Variants in CELF2 observed in about 807,000 individuals in gnomAD.
CELF2 encodes CUG triplet repeat RNA-binding protein 2.
Under a neutral mutation model 62.6 loss-of-function variants are expected in CELF2, and 8 were observed. The observed-to-expected ratio is 0.13, with a 90% CI of 0.07 to 0.23. The LOEUF is 0.23. Ranked by LOEUF, CELF2 falls within the 10% of genes least tolerant of loss-of-function variation. CELF2 has a pLI of 1.00. For synonymous variants in CELF2, 258 were observed against 250.0 expected (o/e 1.03, Z -0.30); for missense variants, 333 against 671.0 (o/e 0.50, Z 5.56).
intron 9 of CELF2, among the ~76,000 whole-genome samples, chr10:11,293,723 A>G (rs1298993290): frequency 6.6e-6 from 1 of 152,130 alleles, no homozygotes; most frequent in Non-Finnish European, 1.5e-5. Flanking sequence ...AAAGTAGGGA[A>G]GGTGTGTTAT....
Position 11,010,447 on chromosome 10 carries a change from T to C in CELF2, c.53+5007T>C, listed in dbSNP as rs148580699. Among the ~76,000 whole-genome samples, 421 of 152,104 alleles carry C rather than the reference T, an allele frequency of 2.8e-3. 10 individuals are homozygous for C. The highest frequency in any genetic ancestry group is 0.024 in the Admixed American group (374 of 15,268). The stretch of plus-strand genomic sequence containing the variant: ...TTGTAGGTTTTAACAAAGATAGGGG[T>C]GGGGGTGTTGAAATAAGGAATAAAA... On this transcript the variant is annotated intron_variant, in intron 1 of 12. Coordinates refer to the CELF2 transcript ENST00000416382. This position sits in a 1 kb window ranked among gnomAD's most constrained non-coding sequence, Gnocchi z 4.1.
the CELF2 span, among the ~76,000 whole-genome samples, chr10:10,549,704 A>C: frequency 1.3e-5 from 2 of 152,226 alleles, no homozygotes; most frequent in Non-Finnish European, 2.9e-5. Flanking sequence ...AGATGGCACC[A>C]GTCATACTGG....
intron 2 of CELF2, among the ~76,000 whole-genome samples, chr10:10,959,206 G>A (rs2049219107): frequency 6.6e-6 from 1 of 152,174 alleles, no homozygotes; most frequent in Non-Finnish European, 1.5e-5. Flanking sequence ...ACTTGAACCT[G>A]GGAGGCAGAG....
At chr10:11,061,979 A>G (rs765812439) in intron 1 of CELF2, among the ~76,000 whole-genome samples, 2 of 152,102 alleles carry the variant, frequency 1.3e-5, no homozygotes, top group African/African-American at 2.4e-5. Flanking sequence ...CGCCCAGGTA[A>G]TTTTGTATTT....
chr10:10,946,832 T>C (rs981658518), intron 2 of CELF2: 1 of 152,268 alleles, frequency 6.6e-6, no homozygotes, highest in African/African-American at 2.4e-5. Flanking sequence ...TTGCCACCCA[T>C]GCAGATTTGC....
intron 9 of CELF2, among the ~76,000 whole-genome samples, chr10:11,291,984 GA>G (rs926541532): frequency 6.6e-6 from 1 of 152,186 alleles, no homozygotes; most frequent in Non-Finnish European, 1.5e-5. Context: ...CTTCTTTAAA[GA>G]AAAGGATGCT....
chr10:11,186,281 C>G (rs1017733848), intron 2 of CELF2, among the ~76,000 whole-genome samples: 2 of 142,240 alleles, frequency 1.4e-5, no homozygotes, highest in African/African-American at 2.6e-5. Flanking sequence ...AAAGAACTAG[C>G]CTTTGGTTTT....
the CELF2 span, among the ~76,000 whole-genome samples, chr10:10,631,714 T>C: frequency 2.0e-5 from 3 of 151,960 alleles, no homozygotes; most frequent in Admixed American, 6.6e-5. Flanking sequence ...TTGAGCTCCT[T>C]GTCTGAGTTC....
chr10:10,835,831 T>G (rs2058244831), intron 1 of CELF2, among the ~76,000 whole-genome samples: 1 of 152,194 alleles, frequency 6.6e-6, no homozygotes, highest in Admixed American at 6.5e-5. Flanking sequence ...AAATGCATAA[T>G]TGTAAGATCA....
the CELF2 span, among the ~76,000 whole-genome samples, chr10:10,640,247 A>C: frequency 6.6e-6 from 1 of 152,210 alleles, no homozygotes; most frequent in Non-Finnish European, 1.5e-5. Context: ...ATGTTTTGAC[A>C]ATATTGGATG....
intron 1 of CELF2, among the ~76,000 whole-genome samples, chr10:10,828,071 A>G (rs1320691101): frequency 6.6e-6 from 1 of 151,826 alleles, no homozygotes; most frequent in Non-Finnish European, 1.5e-5. Flanking sequence ...AATGTAAAAC[A>G]GTGCAGTTGC....
chr10:10,986,066 CCCAAGCAACTTCTGAAAATT>C (rs1216215158), intron 2 of CELF2, among the ~76,000 whole-genome samples: 2 of 152,148 alleles, frequency 1.3e-5, no homozygotes, highest in African/African-American at 4.8e-5. Flanking sequence ...CTATTTGTCT[CCCAAGCAACTTCTGAAAATT>C]CCATAGATAG....
chr10:10,903,500 C>T (rs374804025), intron 1 of CELF2, among the ~76,000 whole-genome samples: 24 of 152,228 alleles, frequency 1.6e-4, no homozygotes, highest in East Asian at 7.7e-4. Context: ...AAATTGATCA[C>T]GTTTCTTATA....
At chr10:10,903,589 C>T (rs1338627887) in intron 1 of CELF2, among the ~76,000 whole-genome samples, 1 of 152,170 alleles carries the variant, frequency 6.6e-6, no homozygotes, top group East Asian at 1.9e-4. Context: ...TAAAAATTGA[C>T]TCCGTACATA....
At position 11,033,368 on chromosome 10, in the gene CELF2, G is replaced by A. The variant is rs547973884; in HGVS notation, c.74+15205G>A. On this transcript the variant is annotated intron_variant, in intron 1 of 12. Coordinates refer to ENST00000633077, the MANE Select transcript of CELF2 (RefSeq NM_001326342.2). ...CACCCCCCAGGTTCAAGCGATTCTC[G>A]TGCCTCAGCTTCCCGAGTACCTGGG... Among the ~76,000 whole-genome samples, 377 of 151,294 alleles carry A rather than the reference G, an allele frequency of 2.5e-3. 2 individuals are homozygous for A. Among genetic ancestry groups the A allele is most frequent in the Non-Finnish European group, 3.8e-3 (255 of 67,922 alleles).
intron 2 of CELF2, among the ~76,000 whole-genome samples, chr10:11,168,147 A>C (rs1393834805): frequency 6.6e-6 from 1 of 152,124 alleles, no homozygotes; most frequent in Non-Finnish European, 1.5e-5. Flanking sequence ...TTTAGTTTTT[A>C]TACTCAGGTG....
chr10:10,835,383 AT>A (rs60700697), intron 1 of CELF2, among the ~76,000 whole-genome samples: 84,863 of 142,842 alleles, frequency 0.59, 25,822 homozygotes, highest in East Asian at 0.94. Context: ...CAGCAGATTG[AT>A]TTTTTTTTTT....
rs923960912 is a variant in CELF2, at chr10:11,046,690, A to T, written c.74+28527A>T. On this transcript the variant is annotated intron_variant, in intron 1 of 12. Transcript: ENST00000633077. The surrounding 1 kb of genome is among the most constrained non-coding windows in gnomAD (Gnocchi z 4.6). ...AATAACAGCCCGCAGAACCCTCAGG[A>T]CCCATACAGGAATGAGGATTCTCAT... is the stretch of plus-strand genomic sequence containing the variant. 6.6e-6 allele frequency among the ~76,000 whole-genome samples: 1 copy of T among 152,128 alleles called. No homozygotes were observed. The highest frequency in any genetic ancestry group is 1.5e-5 in the Non-Finnish European group (1 of 68,014).
At chr10:11,077,290 C>T (rs2072308302) in intron 1 of CELF2, among the ~76,000 whole-genome samples, 1 of 151,218 alleles carries the variant, frequency 6.6e-6, no homozygotes, top group Non-Finnish European at 1.5e-5. Flanking sequence ...AGTTTGGGTG[C>T]TTTTATAATG....
Sources: allele counts gnomAD v4.1 joint callset (sites outside exome capture counted in the v4.1 genomes callset), GRCh38; gene constraint gnomAD v4.1.1; non-coding constraint Gnocchi (gnomAD v3.1); transcripts MANE v1.5; gene names NCBI Gene and HGNC (gene_info 2026-07-23, HGNC 2026-07-21).